UGT1A8: variants seen among roughly 807,000 people sequenced by gnomAD.
The protein encoded by UGT1A8 is UDP glucuronosyltransferase family 1 member A8.
In UGT1A8, 39 loss-of-function variants were observed where a neutral mutation model predicts 45.3. That is an observed-to-expected ratio of 0.86 (90% CI 0.67 to 1.12). The LOEUF is 1.12. UGT1A8 is among the 50% of genes most tolerant of loss of function. The pLI is 0.00. For missense variants in UGT1A8, 719 were observed against 664.9 expected (o/e 1.08, Z -0.90); for synonymous variants, 275 against 249.2 (o/e 1.10, Z -0.97).
At chr2:233,684,786 G>C (rs2074701046) in intron 1 of UGT1A8, among the ~76,000 whole-genome samples, 1 of 152,130 alleles carries the variant, frequency 6.6e-6, no homozygotes, top group African/African-American at 2.4e-5. Context: ...CTTTGGCAAA[G>C]AGCCCTGGAT....
chr2:233,743,821 G>A (rs375309664), intron 1 of UGT1A8: 180 of 1,367,120 alleles, frequency 1.3e-4, no homozygotes, highest in Middle Eastern at 2.1e-4. Flanking sequence ...GGTTTTTGTC[G>A]GGGTGCCACT....
chr2:233,683,676 C>T (rs45486299), intron 1 of UGT1A8, among the ~76,000 whole-genome samples: 4 of 152,170 alleles, frequency 2.6e-5, no homozygotes, highest in South Asian at 2.1e-4. Flanking sequence ...TCTTATTAAC[C>T]TTTATTCCTC....
chr2:233,634,606 A>T (rs1017215842), intron 1 of UGT1A8, among the ~76,000 whole-genome samples: 1 of 151,910 alleles, frequency 6.6e-6, no homozygotes, highest in East Asian at 1.9e-4. Context: ...GTCTGTTTTT[A>T]TCAGAGACTA....
At chr2:233,768,463 T>C (rs372004705) in intron 4 of UGT1A8, 24 bp downstream of exon 4, 2 of 1,607,816 alleles carry the variant, frequency 1.2e-6, no homozygotes, top group African/African-American at 2.7e-5. Flanking sequence ...TACAGAAGAA[T>C]ACTTTGGTCA....
At chr2:233,771,798 CCCTCCCTT>C (rs951458637) in intron 4 of UGT1A8, among the ~76,000 whole-genome samples, 10 of 147,834 alleles carry the variant, frequency 6.8e-5, no homozygotes, top group African/African-American at 2.5e-4. Context: ...CTCCCTCCCT[CCCTCCCTT>C]CCTCCTTTCC....
chr2:233,754,105 C>T (rs1695394703), intron 1 of UGT1A8, among the ~76,000 whole-genome samples: 1 of 152,196 alleles, frequency 6.6e-6, no homozygotes, highest in South Asian at 2.1e-4. Context: ...TCAACTCTTC[C>T]TACATCACGA....
At chr2:233,743,699 G>C (rs780880081) in intron 1 of UGT1A8, 1 of 1,367,268 alleles carries the variant, frequency 7.3e-7, no homozygotes, top group Non-Finnish European at 9.8e-7. Flanking sequence ...GCCGCCCTCC[G>C]CCCCCGCCTC....
intron 1 of UGT1A8, among the ~76,000 whole-genome samples, chr2:233,660,340 A>G (rs1456918797): frequency 6.6e-6 from 1 of 152,194 alleles, no homozygotes; most frequent in Non-Finnish European, 1.5e-5. Flanking sequence ...TGGCTGAATT[A>G]GAGATGATGT....
intron 1 of UGT1A8, among the ~76,000 whole-genome samples, chr2:233,625,907 C>T (rs1022149885): frequency 6.6e-5 from 10 of 151,968 alleles, no homozygotes; most frequent in Non-Finnish European, 1.0e-4. Context: ...AGGTAACCTG[C>T]ACATGTACTC....
At chr2:233,742,045 T>C (rs1691854275) in intron 1 of UGT1A8, 1 of 151,932 alleles carries the variant, frequency 6.6e-6, no homozygotes, top group South Asian at 2.1e-4. Context: ...AGCATAGCAA[T>C]AGGATAGTTC....
intron 1 of UGT1A8, among the ~76,000 whole-genome samples, chr2:233,651,387 C>A (rs887732155): frequency 6.6e-6 from 1 of 151,934 alleles, no homozygotes; most frequent in African/African-American, 2.4e-5. Flanking sequence ...ACATATTGGC[C>A]ATATATCATT....
At chr2:233,637,083 T>C (rs1419556898) in intron 1 of UGT1A8, 2 of 1,613,988 alleles carry the variant, frequency 1.2e-6, no homozygotes, top group East Asian at 4.5e-5. Flanking sequence ...CTGCTCCTCT[T>C]TCCTATGTCC....
At chr2:233,740,765 C>T (rs894944360) in intron 1 of UGT1A8, 8 of 151,662 alleles carry the variant, frequency 5.3e-5, no homozygotes, top group South Asian at 2.1e-4. Context: ...CTTATCAAAC[C>T]GTTGTATAAA....
Position 233,617,647 on chromosome 2 carries a change from TCCGCCTA to T in UGT1A8, c.-59_-53del. 6.4e-7 allele frequency: 1 copy of T among 1,553,828 alleles called. No individual in the cohort carries two copies. The highest frequency in any genetic ancestry group is 8.7e-7 in the Non-Finnish European group (1 of 1,149,688). Reference sequence around the variant, plus strand: ...GGTCAGGTTTTGTGCCTGTAGTTCTTCCGCCTACTGTATCATAGCAGCTTAGAATCCC... The same window carrying T: ...GGTCAGGTTTTGTGCCTGTAGTTCTTCTGTATCATAGCAGCTTAGAATCCC... On this transcript the variant is annotated 5_prime_UTR_variant, in exon 1 of 5. Transcript: ENST00000373450.
chr2:233,652,605 T>C (rs1422253511), intron 1 of UGT1A8, among the ~76,000 whole-genome samples: 1 of 152,166 alleles, frequency 6.6e-6, no homozygotes, highest in African/African-American at 2.4e-5. Context: ...CCCCTAATTG[T>C]CTCAAAAATG....
At chr2:233,661,331 A>C (rs1017393496) in intron 1 of UGT1A8, among the ~76,000 whole-genome samples, 11 of 152,086 alleles carry the variant, frequency 7.2e-5, no homozygotes, top group African/African-American at 2.7e-4. Flanking sequence ...TGGTGCTGTC[A>C]TTACCATTAC....
At chr2:233,664,046 C>G (rs188275761) in intron 1 of UGT1A8, among the ~76,000 whole-genome samples, 33 of 152,316 alleles carry the variant, frequency 2.2e-4, no homozygotes, top group African/African-American at 7.5e-4. Flanking sequence ...TAGGTCATCA[C>G]TCTCAAGTTT....
chr2:233,768,515 C>T (rs548796271), intron 4 of UGT1A8, 76 bp downstream of exon 4: 42 of 1,546,024 alleles, frequency 2.7e-5, no homozygotes, highest in African/African-American at 1.8e-4. Context: ...AAAACATTTA[C>T]GTAGCATTTA....
intron 1 of UGT1A8, chr2:233,730,090 C>G: frequency 6.3e-7 from 1 of 1,596,074 alleles, no homozygotes; most frequent in Admixed American, 1.7e-5. Flanking sequence ...ACTTATCTTT[C>G]CAAATATTTC....
Sources: gnomAD v4.1 joint callset for allele counts (sites outside exome capture counted in the v4.1 genomes callset) on GRCh38, gnomAD v4.1.1 for gene constraint, MANE v1.5 for transcripts, NCBI Gene and HGNC (gene_info 2026-07-23, HGNC 2026-07-21) for gene names.